SLC6A20: variants seen among roughly 807,000 people sequenced by gnomAD.
SLC6A20 encodes solute carrier family 6 member 20, also known as sodium- and chloride-dependent transporter XTRP3.
A neutral mutation model predicts 64.3 loss-of-function variants in SLC6A20; 73 were observed. That is an observed-to-expected ratio of 1.14 (90% CI 0.94 to 1.38). The LOEUF is 1.38. Ranked by LOEUF, SLC6A20 falls within the 40% of genes most tolerant of loss-of-function variation. The probability of loss-of-function intolerance (pLI) is 0.00; values close to 1 mark genes in which losing one functional copy is unlikely to be tolerated. For missense variants in SLC6A20, 725 were observed against 772.8 expected (o/e 0.94, Z 0.73); for synonymous variants, 347 against 329.6 (o/e 1.05, Z -0.57).
Position 45,765,866 on chromosome 3 carries a change from G to A in SLC6A20, c.1099-125C>T. 2.0e-6 allele frequency: 2 copies of A among 987,268 alleles called. No individual in the cohort carries two copies. The highest frequency in any genetic ancestry group is 4.4e-5 in the Admixed American group (2 of 45,726). 61.2% of individuals were successfully genotyped at this position (987,268 alleles called of 1,614,324 possible). A position where few individuals can be genotyped will look rare whatever the true frequency, so the allele number is the denominator to read the frequency against. On this transcript the variant is annotated intron_variant, in intron 7 of 10. Coordinates refer to ENST00000358525, the MANE Select transcript of SLC6A20 (RefSeq NM_020208.4). The surrounding 1 kb of genome is among the most constrained non-coding windows in gnomAD (Gnocchi z 4.2). ...TGAGAAGCCACATTGTGAGGTTGGAGCTTCCATCTGCAGATCAACCCCTTA... is the reference window on the plus strand; with the variant it reads ...TGAGAAGCCACATTGTGAGGTTGGAACTTCCATCTGCAGATCAACCCCTTA...
At chr3:45,780,272 T>C (rs1161682567) in intron 2 of SLC6A20, among the ~76,000 whole-genome samples, 172 bp from the exon 3 acceptor site, 1 of 152,196 alleles carries the variant, frequency 6.6e-6, no homozygotes, top group Non-Finnish European at 1.5e-5. Flanking sequence ...CTGTGAACAC[T>C]TGGGAAGGGT....
chr3:45,773,361 AC>A (rs1699909691), intron 4 of SLC6A20, among the ~76,000 whole-genome samples: 1 of 152,234 alleles, frequency 6.6e-6, no homozygotes, highest in Non-Finnish European at 1.5e-5. Flanking sequence ...ATTTTTGTCA[AC>A]CAGATCTTCT....
chr3:45,782,283 T>C, intron 1 of SLC6A20, 60 bp from the exon 2 acceptor site: 10 of 1,551,302 alleles, frequency 6.4e-6, no homozygotes, highest in Non-Finnish European at 8.7e-6. Context: ...CCACGACCAC[T>C]CAACCTCTGT....
At chr3:45,759,819 TG>T in intron 10 of SLC6A20, 37 bp downstream of exon 10, 1 of 1,577,584 alleles carries the variant, frequency 6.3e-7, no homozygotes, top group Non-Finnish European at 8.6e-7. Context: ...TCAGTGGCCA[TG>T]GGGGCCCAGC....
chr3:45,777,912 C>T (rs1014398181), intron 3 of SLC6A20, among the ~76,000 whole-genome samples: 4 of 152,182 alleles, frequency 2.6e-5, no homozygotes, highest in African/African-American at 9.7e-5. Context: ...ACTCTGATTT[C>T]ATCTGTTTGG....
At chr3:45,774,677 G>A (rs1161032042) in intron 4 of SLC6A20, among the ~76,000 whole-genome samples, 1 of 152,208 alleles carries the variant, frequency 6.6e-6, no homozygotes, top group African/African-American at 2.4e-5. Context: ...AATACATGGG[G>A]GGTGGGGTGT....
chr3:45,762,526 TTCTAAGG>T (rs1475757573), intron 9 of SLC6A20, among the ~76,000 whole-genome samples: 1 of 152,232 alleles, frequency 6.6e-6, no homozygotes, highest in African/African-American at 2.4e-5. Context: ...CTGCCAAATT[TTCTAAGG>T]TCTAAGTTAT....
chr3:45,775,078 A>G (rs1033169847), intron 4 of SLC6A20, among the ~76,000 whole-genome samples: 1 of 152,158 alleles, frequency 6.6e-6, no homozygotes, highest in African/African-American at 2.4e-5. Context: ...ACTGAAAGCA[A>G]ACCTTCTACG....
chr3:45,770,919 C>T (rs1193220846), intron 6 of SLC6A20, among the ~76,000 whole-genome samples: 7 of 152,174 alleles, frequency 4.6e-5, no homozygotes, highest in African/African-American at 1.7e-4. Context: ...TGTGGCTCAG[C>T]TAGAGGCTTC....
chr3:45,774,926 T>A (rs1273412097), intron 4 of SLC6A20, among the ~76,000 whole-genome samples: 2 of 152,118 alleles, frequency 1.3e-5, no homozygotes, highest in Admixed American at 1.3e-4. Context: ...AAATCTACCA[T>A]GAAAGGCTGT....
Position 45,758,079 on chromosome 3 carries a change from C to T in SLC6A20, c.*899G>A, listed in dbSNP as rs943004734. 1.2e-5 allele frequency: 2 copies of T among 162,020 alleles called. No individual in the cohort carries two copies. Among genetic ancestry groups the T allele is most frequent in the Non-Finnish European group, 2.7e-5 (2 of 74,046 alleles). 10.0% of individuals were successfully genotyped at this position (162,020 alleles called of 1,614,324 possible). A position where few individuals can be genotyped will look rare whatever the true frequency, so the allele number is the denominator to read the frequency against. On this transcript the variant is annotated 3_prime_UTR_variant, in exon 11 of 11. Transcript: ENST00000358525. ...TACAGGCCTATGCCACCACTCCCAGCTAATTTTTTTGTATTTTTAGTAGAA... is the reference window on the plus strand; with the variant it reads ...TACAGGCCTATGCCACCACTCCCAGTTAATTTTTTTGTATTTTTAGTAGAA...
chr3:45,782,470 A>G (rs573187373), intron 1 of SLC6A20, among the ~76,000 whole-genome samples: 1 of 151,434 alleles, frequency 6.6e-6, no homozygotes, highest in East Asian at 1.9e-4. Context: ...CCCACTTTCT[A>G]TCCATCCTTC....
chr3:45,785,613 T>TC (rs1700157049), intron 1 of SLC6A20, among the ~76,000 whole-genome samples: 11 of 141,104 alleles, frequency 7.8e-5, no homozygotes, highest in Admixed American at 1.4e-4. Context: ...AAACTCCCCT[T>TC]TCTCTCTCTC....
intron 9 of SLC6A20, 143 bp downstream of exon 9, chr3:45,762,770 G>A (rs548432441): frequency 1.5e-5 from 16 of 1,068,690 alleles, no homozygotes; most frequent in South Asian, 7.6e-5. Flanking sequence ...TGAGATCTGC[G>A]GGCAAAGAAC....
intron 10 of SLC6A20, among the ~76,000 whole-genome samples, chr3:45,759,552 C>T (rs1007480938): frequency 2.0e-5 from 3 of 152,188 alleles, no homozygotes; most frequent in Admixed American, 1.3e-4. Context: ...CGGAGGAGAG[C>T]GCTGCTCAGG....
At chr3:45,773,312 G>T (rs1441824444) in intron 4 of SLC6A20, among the ~76,000 whole-genome samples, 28 of 152,310 alleles carry the variant, frequency 1.8e-4, no homozygotes. Flanking sequence ...TCCAGAAAGG[G>T]TTTACTTCCT....
intron 8 of SLC6A20, among the ~76,000 whole-genome samples, chr3:45,764,609 C>T (rs946992055): frequency 1.5e-4 from 22 of 148,982 alleles, no homozygotes; most frequent in Non-Finnish European, 2.7e-4. Flanking sequence ...GGATGAGGCA[C>T]GAGAATAGCT....
intron 1 of SLC6A20, among the ~76,000 whole-genome samples, chr3:45,788,205 T>C (rs886344981): frequency 6.6e-6 from 1 of 150,804 alleles, no homozygotes; most frequent in African/African-American, 2.4e-5. Flanking sequence ...GGTCCTGCCA[T>C]ATTTTTTGCT....
Position 45,796,332 on chromosome 3 carries a change from G to T in SLC6A20, c.88C>A (p.Arg30=), listed in dbSNP as rs377708684. 1.2e-6 allele frequency: 2 copies of T among 1,612,540 alleles called. No individual in the cohort carries two copies. The highest frequency in any genetic ancestry group is 1.7e-6 in the Non-Finnish European group (2 of 1,179,516). Residue 30 remains arginine (R), a synonymous_variant, in exon 1 of 11, where the codon CGA becomes AGA. Coordinates refer to ENST00000358525, the MANE Select transcript of SLC6A20 (RefSeq NM_020208.4). ...SYAVGLGNVW[R]FPYLCQMYGG... is the part of the protein sequence containing the mutation. ...TACATCTGGCACAGGTACGGGAATC[G>T]CCACACGTTGCCCAGGCCCACGGCG... is the stretch of plus-strand genomic sequence containing the variant.
Sources: allele counts gnomAD v4.1 joint callset (sites outside exome capture counted in the v4.1 genomes callset), GRCh38; gene constraint gnomAD v4.1.1; non-coding constraint Gnocchi (gnomAD v3.1); transcripts MANE v1.5; gene names NCBI Gene and HGNC (gene_info 2026-07-23, HGNC 2026-07-21).